The following EPHA6 variants were observed in gnomAD, a reference collection of about 807,000 sequenced individuals.
EPHA6 encodes ephrin type-A receptor 6.
In EPHA6, 50 loss-of-function variants were observed where a neutral mutation model predicts 112.0. That is an observed-to-expected ratio of 0.45 (90% CI 0.36 to 0.56). The LOEUF is 0.56. EPHA6 is among the 20% of genes least tolerant of loss of function. The pLI, the probability that EPHA6 is intolerant of heterozygous loss-of-function variation, is 0.00. For synonymous variants in EPHA6, 529 were observed against 490.7 expected, an observed-to-expected ratio of 1.08 and a Z score of -1.03; for missense variants, 1,280 against 1,417.4, an observed-to-expected ratio of 0.90 and a Z score of 1.56.
intron 3 of EPHA6, among the ~76,000 whole-genome samples, chr3:97,099,827 T>C (rs1005966933): frequency 4.6e-5 from 7 of 151,926 alleles, no homozygotes; most frequent in African/African-American, 1.4e-4. Context: ...TGGAGCAAAG[T>C]CCCACAGCTG....
Position 97,747,597 on chromosome 3 carries a change from G to A in EPHA6, c.3278+25G>A, listed in dbSNP as rs199514930. 2.4e-4 allele frequency: 374 copies of A among 1,556,606 alleles called. 1 individual carries two copies. In the African/African-American group the frequency reaches 4.9e-3, roughly 20 times the overall value. On this transcript the variant is annotated intron_variant, in intron 17 of 17. Coordinates refer to ENST00000389672, the MANE Select transcript of EPHA6 (RefSeq NM_001080448.3). ...AGTAAGTGATACTAGGTTTATTACT[G>A]TAACGAGATGTCCTGCTGGGGATTA...
intron 3 of EPHA6, among the ~76,000 whole-genome samples, chr3:97,091,218 C>G (rs2047055244): frequency 6.6e-6 from 1 of 152,064 alleles, no homozygotes; most frequent in Admixed American, 6.6e-5. Context: ...TTGATGTTCT[C>G]TATATGATAT....
At chr3:97,033,184 C>T (rs1035197850) in intron 3 of EPHA6, among the ~76,000 whole-genome samples, 1 of 151,900 alleles carries the variant, frequency 6.6e-6, no homozygotes, top group African/African-American at 2.4e-5. Flanking sequence ...TATGAGATGG[C>T]TTAGGGTATA....
chr3:97,417,365 T>C (rs1165329669), intron 6 of EPHA6, among the ~76,000 whole-genome samples: 2 of 152,036 alleles, frequency 1.3e-5, no homozygotes. Flanking sequence ...AGGGAATAAA[T>C]GATTGTATGA....
At chr3:97,430,977 A>G (rs964967607) in intron 6 of EPHA6, among the ~76,000 whole-genome samples, 4 of 152,106 alleles carry the variant, frequency 2.6e-5, no homozygotes, top group Non-Finnish European at 4.4e-5. Flanking sequence ...TACTGATTCT[A>G]TATTTTTAGG....
At chr3:97,626,842 G>T (rs953122357) in intron 13 of EPHA6, among the ~76,000 whole-genome samples, 2 of 151,778 alleles carry the variant, frequency 1.3e-5, no homozygotes, top group African/African-American at 4.8e-5. Context: ...TTTCTCTGGA[G>T]AGCAGGTTTA....
chr3:97,555,640 C>G (rs2093095820), intron 11 of EPHA6, among the ~76,000 whole-genome samples: 1 of 152,048 alleles, frequency 6.6e-6, no homozygotes, highest in Admixed American at 6.6e-5. Flanking sequence ...GAGATTGTAT[C>G]TCATTGTGGT....
At chr3:97,137,074 T>A (rs926274755) in intron 3 of EPHA6, among the ~76,000 whole-genome samples, 6 of 152,062 alleles carry the variant, frequency 3.9e-5, no homozygotes, top group African/African-American at 9.7e-5. Flanking sequence ...TTTAAAAAAA[T>A]TAAAAAACAG....
intron 7 of EPHA6, among the ~76,000 whole-genome samples, chr3:97,471,394 C>T (rs2091224045): frequency 6.6e-6 from 1 of 151,674 alleles, no homozygotes; most frequent in Admixed American, 6.6e-5. Context: ...AATCCATGAG[C>T]ACAGTAACTG....
At chr3:97,473,233 T>A (rs1367484439) in intron 7 of EPHA6, among the ~76,000 whole-genome samples, 1 of 151,780 alleles carries the variant, frequency 6.6e-6, no homozygotes, top group Non-Finnish European at 1.5e-5. Flanking sequence ...ACACATTTTA[T>A]TCTCCACAGA....
intron 7 of EPHA6, among the ~76,000 whole-genome samples, chr3:97,463,011 A>T (rs1390057891): frequency 2.6e-5 from 4 of 152,164 alleles, no homozygotes; most frequent in African/African-American, 9.6e-5. Context: ...CATATATATA[A>T]CTAATTTAAG....
chr3:97,710,930 T>G (rs528303123), intron 14 of EPHA6, among the ~76,000 whole-genome samples: 1 of 152,380 alleles, frequency 6.6e-6, no homozygotes, highest in South Asian at 2.1e-4. Context: ...TTATGTAATT[T>G]ATTTTCCTAA....
intron 2 of EPHA6, among the ~76,000 whole-genome samples, chr3:96,917,875 A>G (rs767690619): frequency 6.6e-6 from 1 of 152,170 alleles, no homozygotes; most frequent in South Asian, 2.1e-4. Context: ...CCCCCAAAGG[A>G]TAATAGAAGC....
intron 2 of EPHA6, among the ~76,000 whole-genome samples, chr3:96,912,043 G>A (rs2039244083): frequency 6.6e-6 from 1 of 151,930 alleles, no homozygotes; most frequent in Middle Eastern, 3.4e-3. Context: ...GATTGGGATG[G>A]GGCATAAATA....
chr3:97,210,774 T>C (rs982724236), intron 3 of EPHA6, among the ~76,000 whole-genome samples: 2 of 152,130 alleles, frequency 1.3e-5, no homozygotes, highest in Non-Finnish European at 2.9e-5. Context: ...TCTATTTTGC[T>C]CACAAATCTG....
In EPHA6 at chr3:97,668,679, C is replaced by T. The variant is rs565600173; in HGVS notation, c.2784+30597C>T. 7.9e-5 allele frequency among the ~76,000 whole-genome samples: 12 copies of T among 151,902 alleles called. No homozygotes were observed. In the South Asian group the frequency reaches 1.0e-3, roughly 13 times the overall value. ...CTGTAATCCCAGCACTTTGGGAGGCCGAGGTGGGCAGATCACTTGAGGTCA... is the reference window on the plus strand; with the variant it reads ...CTGTAATCCCAGCACTTTGGGAGGCTGAGGTGGGCAGATCACTTGAGGTCA... On this transcript the variant is annotated intron_variant, in intron 14 of 17. Transcript: ENST00000389672.
At chr3:96,939,972 T>C (rs2040842048) in intron 2 of EPHA6, among the ~76,000 whole-genome samples, 1 of 152,138 alleles carries the variant, frequency 6.6e-6, no homozygotes, top group African/African-American at 2.4e-5. Context: ...GAGAGACAGT[T>C]TGTTATAATT....
At chr3:97,394,443 C>T (rs542509827) in intron 5 of EPHA6, among the ~76,000 whole-genome samples, 11 of 151,850 alleles carry the variant, frequency 7.2e-5, no homozygotes, top group African/African-American at 2.7e-4. Context: ...AACTATAAAG[C>T]TCTGCACAGC....
chr3:97,082,739 A>AG (rs771245092), intron 3 of EPHA6, among the ~76,000 whole-genome samples: 1 of 151,914 alleles, frequency 6.6e-6, no homozygotes, highest in Non-Finnish European at 1.5e-5. Flanking sequence ...AATACCCACG[A>AG]GTATTTAGTC....
Sources: gnomAD v4.1 joint callset for allele counts (sites outside exome capture counted in the v4.1 genomes callset) on GRCh38, gnomAD v4.1.1 for gene constraint, MANE v1.5 for transcripts, NCBI Gene and HGNC (gene_info 2026-07-23, HGNC 2026-07-21) for gene names.